KCNK2: variants seen among roughly 807,000 people sequenced by gnomAD.
KCNK2 encodes the protein potassium two pore domain channel subfamily K member 2.
A neutral mutation model predicts 40.5 loss-of-function variants in KCNK2; 21 were observed. The ratio of observed to expected loss-of-function variants is 0.52; its 90% CI spans 0.37 to 0.75. The LOEUF is 0.75. Ranked by LOEUF, KCNK2 falls within the 30% of genes least tolerant of loss-of-function variation. The probability of loss-of-function intolerance (pLI) is 0.00; values close to 1 mark genes in which losing one functional copy is unlikely to be tolerated. For synonymous variants in KCNK2, 191 were observed against 202.2 expected, an observed-to-expected ratio of 0.94 and a Z score of 0.47; for missense variants, 399 against 531.6, an observed-to-expected ratio of 0.75 and a Z score of 2.45.
At chr1:215,026,363 T>C (rs543059612) in intron 1 of KCNK2, among the ~76,000 whole-genome samples, 4 of 152,178 alleles carry the variant, frequency 2.6e-5, no homozygotes, top group African/African-American at 9.6e-5. Flanking sequence ...TCTTTCCTGG[T>C]CTTCCCCAGA....
At chr1:215,202,094 T>G (rs1665103055) in intron 6 of KCNK2, among the ~76,000 whole-genome samples, 1 of 152,216 alleles carries the variant, frequency 6.6e-6, no homozygotes, top group African/African-American at 2.4e-5. Flanking sequence ...GGGCATATTA[T>G]TCATTGACTG....
At chr1:215,025,759 G>C (rs1231368328) in intron 1 of KCNK2, among the ~76,000 whole-genome samples, 2 of 151,910 alleles carry the variant, frequency 1.3e-5, no homozygotes, top group Non-Finnish European at 2.9e-5. Flanking sequence ...GGATTACCGT[G>C]GTTTATTCCT....
At chr1:215,047,934 T>A (rs879525294) in intron 1 of KCNK2, among the ~76,000 whole-genome samples, 1 of 152,162 alleles carries the variant, frequency 6.6e-6, no homozygotes, top group Non-Finnish European at 1.5e-5. Context: ...TGTGTGTAGA[T>A]GAAAATGCAG....
intron 3 of KCNK2, among the ~76,000 whole-genome samples, chr1:215,164,755 A>G (rs1055313494): frequency 3.3e-5 from 5 of 152,072 alleles, no homozygotes; most frequent in African/African-American, 1.2e-4. Context: ...ATTCTCTTAC[A>G]TCCTGTGCAT....
intron 6 of KCNK2, among the ~76,000 whole-genome samples, chr1:215,233,330 A>G (rs946870256): frequency 6.6e-6 from 1 of 152,104 alleles, no homozygotes. Flanking sequence ...GTTAAAATAA[A>G]AAATAGATCC....
chr1:215,048,470 G>A (rs997848354), intron 1 of KCNK2, among the ~76,000 whole-genome samples: 2 of 152,138 alleles, frequency 1.3e-5, no homozygotes, highest in African/African-American at 4.8e-5. Context: ...CTGAATATAT[G>A]TCTAACACCA....
At chr1:215,011,858 G>A (rs1388391370) in intron 1 of KCNK2, among the ~76,000 whole-genome samples, 2 of 135,910 alleles carry the variant, frequency 1.5e-5, no homozygotes, top group East Asian at 2.3e-4. Flanking sequence ...CACCCGCCTC[G>A]GCCTCCCAAA....
chr1:215,014,769 G>T (rs1405574675), intron 1 of KCNK2, among the ~76,000 whole-genome samples: 1 of 152,052 alleles, frequency 6.6e-6, no homozygotes, highest in African/African-American at 2.4e-5. Context: ...ACTGATAAGG[G>T]TGTGTTCCTT....
At chr1:215,139,188 C>T (rs1484899471) in intron 3 of KCNK2, among the ~76,000 whole-genome samples, 3 of 152,112 alleles carry the variant, frequency 2.0e-5, no homozygotes, top group African/African-American at 7.2e-5. Flanking sequence ...GTCTCATCCC[C>T]TACAGAGTCA....
At chr1:215,130,414 T>G (rs556157830) in intron 3 of KCNK2, among the ~76,000 whole-genome samples, 1 of 152,312 alleles carries the variant, frequency 6.6e-6, no homozygotes, top group Admixed American at 6.5e-5. Context: ...ACAGCATTAG[T>G]AAGGAAAATG....
intron 3 of KCNK2, among the ~76,000 whole-genome samples, chr1:215,141,167 C>G (rs184824984): frequency 6.6e-6 from 1 of 152,154 alleles, no homozygotes; most frequent in Admixed American, 6.6e-5. Context: ...ATAACAATAA[C>G]TTCTCCTAGA....
chr1:215,085,136 C>T (rs1571893965), intron 1 of KCNK2, among the ~76,000 whole-genome samples: 1 of 152,082 alleles, frequency 6.6e-6, no homozygotes, highest in Non-Finnish European at 1.5e-5. Context: ...GAGTGCAATT[C>T]CATGGAGATT....
chr1:215,227,974 G>T (rs2153244), intron 6 of KCNK2, among the ~76,000 whole-genome samples: 80,839 of 151,432 alleles, frequency 0.53, 22,377 homozygotes, highest in East Asian at 0.61. Flanking sequence ...AAAAGTTAAA[G>T]AAGTTAAATG....
chr1:215,026,921 A>G (rs1270769859), intron 1 of KCNK2, among the ~76,000 whole-genome samples: 1 of 151,990 alleles, frequency 6.6e-6, no homozygotes, highest in African/African-American at 2.4e-5. Flanking sequence ...ATGTAATTTT[A>G]TTGTTTCAGA....
intron 6 of KCNK2, among the ~76,000 whole-genome samples, chr1:215,217,543 C>T (rs1666009111): frequency 6.6e-6 from 1 of 152,048 alleles, no homozygotes; most frequent in African/African-American, 2.4e-5. Flanking sequence ...TTAAACTCTC[C>T]AGCTGCTCAT....
intron 5 of KCNK2, among the ~76,000 whole-genome samples, chr1:215,188,183 C>G (rs532228689): frequency 1.7e-4 from 26 of 152,134 alleles, no homozygotes; most frequent in Non-Finnish European, 2.9e-4. Context: ...TTTTCTTCAT[C>G]ACACATGTAG....
intron 2 of KCNK2, among the ~76,000 whole-genome samples, chr1:215,089,354 G>A (rs1311024303): frequency 1.3e-5 from 2 of 152,132 alleles, no homozygotes; most frequent in South Asian, 2.1e-4. Flanking sequence ...GGAGTAGTTA[G>A]CATTTCAGTT....
intron 3 of KCNK2, among the ~76,000 whole-genome samples, chr1:215,131,854 G>A (rs1175538621): frequency 6.6e-6 from 1 of 152,002 alleles, no homozygotes; most frequent in Non-Finnish European, 1.5e-5. Flanking sequence ...GTGATTTTCT[G>A]TTTGTATTTT....
chr1:215,152,661 A>T (rs1450265476), intron 3 of KCNK2, among the ~76,000 whole-genome samples: 1 of 152,080 alleles, frequency 6.6e-6, no homozygotes, highest in Non-Finnish European at 1.5e-5. Flanking sequence ...TTCAATGAAA[A>T]TTTTTTAATT....
Sources: gnomAD v4.1 joint callset for allele counts (sites outside exome capture counted in the v4.1 genomes callset) on GRCh38, gnomAD v4.1.1 for gene constraint, MANE v1.5 for transcripts, NCBI Gene and HGNC (gene_info 2026-07-23, HGNC 2026-07-21) for gene names.